Variants in GPR39 observed in about 807,000 individuals in gnomAD.
GPR39 encodes the protein G protein-coupled receptor 39.
Under a neutral mutation model 18.4 loss-of-function variants are expected in GPR39, and 23 were observed. That is an observed-to-expected ratio of 1.25 (90% CI 0.90 to 1.77). GPR39 has a LOEUF of 1.77. Among genes scored for constraint, GPR39 ranks in the 40% most tolerant of loss-of-function variants. The pLI, the probability that GPR39 is intolerant of heterozygous loss-of-function variation, is 0.00. For missense variants in GPR39, 647 were observed against 602.4 expected (o/e 1.07, Z -0.78); for synonymous variants, 280 against 257.9 (o/e 1.09, Z -0.82).
chr2:132,470,796 T>C (rs1048319650), intron 1 of GPR39, among the ~76,000 whole-genome samples: 1 of 151,964 alleles, frequency 6.6e-6, no homozygotes, highest in Non-Finnish European at 1.5e-5. Flanking sequence ...GTCAGCTGCA[T>C]TTGTCCAGGG....
intron 1 of GPR39, among the ~76,000 whole-genome samples, chr2:132,596,500 C>T (rs1190799720): frequency 6.6e-6 from 1 of 152,146 alleles, no homozygotes; most frequent in Non-Finnish European, 1.5e-5. Context: ...TTCCCCCAGC[C>T]ACCTGCATGC....
intron 1 of GPR39, among the ~76,000 whole-genome samples, chr2:132,429,754 T>A (rs1680191518): frequency 6.6e-6 from 1 of 152,200 alleles, no homozygotes; most frequent in African/African-American, 2.4e-5. Context: ...GGGATAACCT[T>A]ATGTGATTCT....
intron 1 of GPR39, among the ~76,000 whole-genome samples, chr2:132,566,900 C>G (rs1362518339): frequency 6.6e-6 from 1 of 152,190 alleles, no homozygotes; most frequent in Non-Finnish European, 1.5e-5. Context: ...GCTGTGGGAC[C>G]AGCTCTGACA....
chr2:132,575,103 AT>A (rs538352850), intron 1 of GPR39, among the ~76,000 whole-genome samples: 10 of 151,896 alleles, frequency 6.6e-5, no homozygotes, highest in African/African-American at 9.7e-5. Context: ...TTTTTCTAAC[AT>A]TTTGGAGTTC....
intron 1 of GPR39, among the ~76,000 whole-genome samples, chr2:132,509,395 CATCT>C (rs1424950333): frequency 6.6e-6 from 1 of 152,094 alleles, no homozygotes; most frequent in African/African-American, 2.4e-5. Context: ...GATATTTCTC[CATCT>C]GAGTCCAATG....
At chr2:132,472,869 A>G (rs1469982702) in intron 1 of GPR39, among the ~76,000 whole-genome samples, 1 of 152,096 alleles carries the variant, frequency 6.6e-6, no homozygotes, top group Admixed American at 6.5e-5. Flanking sequence ...GAACTCAGTA[A>G]CACAAGGGAG....
At chr2:132,621,388 C>G (rs1681438434) in intron 1 of GPR39, among the ~76,000 whole-genome samples, 1 of 152,234 alleles carries the variant, frequency 6.6e-6, no homozygotes, top group African/African-American at 2.4e-5. Context: ...AGCCTGGTGT[C>G]TAGAGCTGCC....
chr2:132,631,391 T>A (rs1389128551), intron 1 of GPR39, among the ~76,000 whole-genome samples: 1 of 152,244 alleles, frequency 6.6e-6, no homozygotes, highest in Non-Finnish European at 1.5e-5. Flanking sequence ...TCTTATCATG[T>A]TGTGCAACAG....
intron 1 of GPR39, among the ~76,000 whole-genome samples, chr2:132,560,135 A>C (rs1176368650): frequency 1.3e-5 from 2 of 152,134 alleles, no homozygotes; most frequent in Admixed American, 1.3e-4. Flanking sequence ...AAATAGCAGC[A>C]ACATCCTCAA....
chr2:132,550,275 A>C (rs1680018935), intron 1 of GPR39, among the ~76,000 whole-genome samples: 2 of 152,258 alleles, frequency 1.3e-5, no homozygotes, highest in Admixed American at 1.3e-4. Flanking sequence ...ATGCTAGCTA[A>C]CGTGAAAAGG....
intron 1 of GPR39, among the ~76,000 whole-genome samples, chr2:132,563,334 G>GT (rs1680288037): frequency 6.6e-6 from 1 of 152,130 alleles, no homozygotes; most frequent in Admixed American, 6.6e-5. Context: ...TCCTGGCTGG[G>GT]TGGGATGGCT....
chr2:132,578,417 T>A (rs1680565652), intron 1 of GPR39, among the ~76,000 whole-genome samples: 1 of 152,156 alleles, frequency 6.6e-6, no homozygotes. Flanking sequence ...TCTCCTCTTT[T>A]CTGGAATAGA....
chr2:132,483,462 G>A (rs996671483), intron 1 of GPR39, among the ~76,000 whole-genome samples: 4 of 152,190 alleles, frequency 2.6e-5, no homozygotes, highest in Admixed American at 2.6e-4. Flanking sequence ...ATGTAATGAT[G>A]GAGTGCTTTT....
At chr2:132,441,651 C>T (rs1173846346) in intron 1 of GPR39, among the ~76,000 whole-genome samples, 1 of 152,162 alleles carries the variant, frequency 6.6e-6, no homozygotes, top group African/African-American at 2.4e-5. Context: ...CTCTATCACA[C>T]CGAAGCTTCC....
chr2:132,629,777 C>T (rs1015824190), intron 1 of GPR39, among the ~76,000 whole-genome samples: 3 of 152,160 alleles, frequency 2.0e-5, no homozygotes, highest in Non-Finnish European at 2.9e-5. Context: ...GGCTTGCTTC[C>T]CTCTCTGGGC....
rs182294678 is a variant in GPR39 at position 132,480,712 on chromosome 2, G to A, written c.856+62814G>A. Among the ~76,000 whole-genome samples, 169 of 152,346 alleles carry A rather than the reference G, an allele frequency of 1.1e-3. 1 individual carries two copies. Among genetic ancestry groups the A allele is most frequent in the African/African-American group, 3.8e-3 (160 of 41,586 alleles). On this transcript the variant is annotated intron_variant, in intron 1 of 1. Coordinates refer to ENST00000329321, the MANE Select transcript of GPR39 (RefSeq NM_001508.3). ...GGCTTTCCCAGAAATAGTGACTTAT[G>A]TGGGGAGATAAGGAGTTTGGTTTTG...
chr2:132,417,344 C>A lies in GPR39; in HGVS notation c.302C>A (p.Thr101Lys). The change falls in exon 1 of 2, where the codon ACG (threonine) becomes AAG (lysine). Residue 101 changes from threonine to lysine, a missense_variant. Transcript: ENST00000329321. ...AGCATCATCTGGAATCCCCTGACCA[C>A]GTCCAGCTACACCCTGTCCTGCAAG... ...FYSIIWNPLT[T>K]SSYTLSCKLH... The A allele has an allele frequency of 1.9e-6, 3 of 1,614,190 alleles. No individual in the cohort carries two copies. The highest frequency in any genetic ancestry group is 2.5e-6 in the Non-Finnish European group (3 of 1,180,024).
intron 1 of GPR39, among the ~76,000 whole-genome samples, chr2:132,474,351 TAGCAC>T (rs768812530): frequency 1.3e-5 from 2 of 152,224 alleles, no homozygotes; most frequent in Non-Finnish European, 2.9e-5. Context: ...TGCCAGGACT[TAGCAC>T]AGCTTGAGTA....
rs144877200 is a variant in GPR39, at chr2:132,417,738, C to T, written c.696C>T (p.Leu232=). 93 of 1,614,210 alleles carry T rather than the reference C, an allele frequency of 5.8e-5. No homozygotes were observed. Among genetic ancestry groups the T allele is most frequent in the East Asian group, 3.8e-4 (17 of 44,872 alleles). Residue 232 remains leucine (L), a synonymous_variant, in exon 1 of 2, where the codon CTC becomes CTT. Coordinates refer to ENST00000329321, the MANE Select transcript of GPR39 (RefSeq NM_001508.3). ...SSIFGAFVVY[L]VVLLSVAFMC... The stretch of plus-strand genomic sequence containing the variant: ...TCTTCGGCGCCTTCGTGGTCTACCT[C>T]GTGGTCCTGCTCTCCGTAGCCTTCA...
Sources: allele counts gnomAD v4.1 joint callset (sites outside exome capture counted in the v4.1 genomes callset), GRCh38; gene constraint gnomAD v4.1.1; transcripts MANE v1.5; gene names NCBI Gene and HGNC (gene_info 2026-07-23, HGNC 2026-07-21).